The following LRRC4C variants were observed in gnomAD, a reference collection of about 807,000 sequenced individuals.
LRRC4C encodes the protein leucine rich repeat containing 4C, also known as leucine-rich repeat-containing protein 4C.
Under a neutral mutation model 33.6 loss-of-function variants are expected in LRRC4C, and 5 were observed. That is an observed-to-expected ratio of 0.15 (90% CI 0.08 to 0.31). The LOEUF (loss-of-function observed/expected upper bound fraction) is 0.31. Among genes scored for constraint, LRRC4C ranks in the 10% least tolerant of loss-of-function variants. The pLI is 1.00. For synonymous variants in LRRC4C, 329 were observed against 302.0 expected (o/e 1.09, Z -0.93); for missense variants, 560 against 796.7 (o/e 0.70, Z 3.58).
At chr11:41,022,877 G>A (rs779154404) in intron 1 of LRRC4C, among the ~76,000 whole-genome samples, 96 of 151,848 alleles carry the variant, frequency 6.3e-4, no homozygotes, top group Non-Finnish European at 1.3e-3. Flanking sequence ...TGCCAGAGTG[G>A]AAAAATGATG....
intron 2 of LRRC4C, among the ~76,000 whole-genome samples, chr11:40,854,735 T>A (rs1328671545): frequency 6.6e-6 from 1 of 150,992 alleles, no homozygotes; most frequent in Non-Finnish European, 1.5e-5. Context: ...ATATATTTTA[T>A]GTACATAGAG....
chr11:40,259,700 T>C (rs1786468281), intron 4 of LRRC4C, among the ~76,000 whole-genome samples: 1 of 152,066 alleles, frequency 6.6e-6, no homozygotes, highest in Admixed American at 6.6e-5. Flanking sequence ...TTTCTCAGGT[T>C]TGTCAAAGAT....
intron 6 of LRRC4C, among the ~76,000 whole-genome samples, chr11:40,136,641 C>G (rs1267557857): frequency 6.6e-6 from 1 of 152,094 alleles, no homozygotes; most frequent in Non-Finnish European, 1.5e-5. Flanking sequence ...CCTGTGAAGG[C>G]ATGGAAGAAA....
intron 6 of LRRC4C, among the ~76,000 whole-genome samples, chr11:40,128,297 T>A (rs555312198): frequency 1.3e-5 from 2 of 152,334 alleles, no homozygotes; most frequent in East Asian, 3.9e-4. Context: ...GGCAAAATTG[T>A]TAAACTCTTC....
chr11:40,705,839 C>T (rs1368653077), intron 2 of LRRC4C, among the ~76,000 whole-genome samples: 1 of 152,034 alleles, frequency 6.6e-6, no homozygotes, highest in African/African-American at 2.4e-5. Context: ...AAAAGTGTTC[C>T]TATTTCTCCA....
At chr11:41,365,795 G>C (rs1376552055) in intron 1 of LRRC4C, among the ~76,000 whole-genome samples, 1 of 152,136 alleles carries the variant, frequency 6.6e-6, no homozygotes, top group African/African-American at 2.4e-5. Flanking sequence ...GTACCTGCAT[G>C]GTGGGATACT....
chr11:40,493,825 TCTGGGTGCTGA>T lies in LRRC4C; in HGVS notation c.-270+154306_-270+154316del, dbSNP rs1027329811. On this transcript the variant is annotated intron_variant, in intron 3 of 6. Transcript: ENST00000528697. ...TTACCAGTTAGAAAGACCAAATCAT[TCTGGGTGCTGA>T]CTGTTCTCTCTCAGCCCCCCTAAAT... 6.6e-5 allele frequency among the ~76,000 whole-genome samples: 10 copies of T among 152,114 alleles called. No homozygotes were observed. In the East Asian group the frequency reaches 1.9e-3, roughly 29 times the overall value.
chr11:40,246,437 G>A (rs1236981584), intron 4 of LRRC4C, among the ~76,000 whole-genome samples: 1 of 152,210 alleles, frequency 6.6e-6, no homozygotes, highest in Non-Finnish European at 1.5e-5. Context: ...ATTAAGGACT[G>A]TGGAAAATGA....
chr11:40,808,090 G>T (rs1951330549), intron 2 of LRRC4C, among the ~76,000 whole-genome samples: 1 of 152,048 alleles, frequency 6.6e-6, no homozygotes, highest in Non-Finnish European at 1.5e-5. Context: ...ATGTAAATGT[G>T]CTTCTGAGAA....
intron 3 of LRRC4C, among the ~76,000 whole-genome samples, chr11:40,355,078 C>T (rs1303932): frequency 0.29 from 44,357 of 151,920 alleles, 6,868 homozygotes; most frequent in East Asian, 0.5. Context: ...AGGACTGGGC[C>T]CTTCTTTTCA....
intron 3 of LRRC4C, among the ~76,000 whole-genome samples, chr11:40,399,520 C>T (rs1048732040): frequency 1.1e-4 from 16 of 151,876 alleles, no homozygotes; most frequent in African/African-American, 3.4e-4. Context: ...ACATCACACT[C>T]CGGGGACTGT....
intron 1 of LRRC4C, among the ~76,000 whole-genome samples, chr11:41,053,558 G>A (rs1180987028): frequency 6.6e-6 from 1 of 152,160 alleles, no homozygotes; most frequent in Admixed American, 6.5e-5. Flanking sequence ...GGGAAACTGT[G>A]AGATAATAAG....
chr11:41,134,799 G>T (rs1172454240), intron 1 of LRRC4C, among the ~76,000 whole-genome samples: 3 of 152,058 alleles, frequency 2.0e-5, no homozygotes, highest in Non-Finnish European at 2.9e-5. Context: ...AAGAAGTGAA[G>T]GTTAGGACAT....
intron 2 of LRRC4C, among the ~76,000 whole-genome samples, chr11:40,922,798 G>A (rs562684539): frequency 6.6e-6 from 1 of 152,308 alleles, no homozygotes; most frequent in South Asian, 2.1e-4. Context: ...GGGTAGTATA[G>A]GTGAAGTGAA....
At chr11:40,910,376 C>A (rs191243913) in intron 2 of LRRC4C, among the ~76,000 whole-genome samples, 1 of 152,068 alleles carries the variant, frequency 6.6e-6, no homozygotes, top group Non-Finnish European at 1.5e-5. Flanking sequence ...GAAAAAAACC[C>A]GGAGATGTTC....
intron 1 of LRRC4C, among the ~76,000 whole-genome samples, chr11:41,041,438 T>C (rs892838793): frequency 1.3e-5 from 2 of 152,320 alleles, no homozygotes; most frequent in Non-Finnish European, 2.9e-5. Flanking sequence ...GAGAGTATAG[T>C]GATTGCCATA....
intron 2 of LRRC4C, among the ~76,000 whole-genome samples, chr11:40,699,687 T>C (rs1270549883): frequency 2.6e-5 from 4 of 151,970 alleles, no homozygotes; most frequent in Non-Finnish European, 5.9e-5. Flanking sequence ...AACAAAGAAA[T>C]ACACACACAC....
At chr11:40,812,846 G>T (rs1187713227) in intron 2 of LRRC4C, among the ~76,000 whole-genome samples, 1 of 151,984 alleles carries the variant, frequency 6.6e-6, no homozygotes, top group Non-Finnish European at 1.5e-5. Context: ...TAACACATCT[G>T]CAAAACATTT....
intron 3 of LRRC4C, among the ~76,000 whole-genome samples, chr11:40,500,508 G>C (rs1950301199): frequency 6.6e-6 from 1 of 151,820 alleles, no homozygotes; most frequent in South Asian, 2.1e-4. Flanking sequence ...CGTGGCTCAG[G>C]AGGCCTCACA....
Sources: gnomAD v4.1 joint callset for allele counts (sites outside exome capture counted in the v4.1 genomes callset) on GRCh38, gnomAD v4.1.1 for gene constraint, MANE v1.5 for transcripts, NCBI Gene and HGNC (gene_info 2026-07-23, HGNC 2026-07-21) for gene names.